The following PTTG1IP2 variants were observed in gnomAD, a reference collection of about 807,000 sequenced individuals.
PTTG1IP2 encodes the protein PTTG1IP family member 2.
At chr7:90,504,509 C>T (rs550349738) in intron 6 of PTTG1IP2, among the ~76,000 whole-genome samples, 1 of 152,270 alleles carries the variant, frequency 6.6e-6, no homozygotes, top group Middle Eastern at 3.4e-3. Flanking sequence ...AACTACCTTG[C>T]TGTTGTGGTG....
chr7:90,490,014 T>C (rs904443703), intron 4 of PTTG1IP2, among the ~76,000 whole-genome samples: 2 of 152,166 alleles, frequency 1.3e-5, no homozygotes, highest in Non-Finnish European at 2.9e-5. Context: ...TTTGCTAAAA[T>C]ACATTCATTT....
At chr7:90,474,364 A>G (rs1479049467) in intron 1 of PTTG1IP2, among the ~76,000 whole-genome samples, 1 of 152,236 alleles carries the variant, frequency 6.6e-6, no homozygotes, top group African/African-American at 2.4e-5. Context: ...ACAGTGCTGG[A>G]AAACAACATG....
intron 6 of PTTG1IP2, among the ~76,000 whole-genome samples, chr7:90,503,792 T>C (rs1000447789): frequency 1.3e-5 from 2 of 152,110 alleles, no homozygotes; most frequent in African/African-American, 2.4e-5. Flanking sequence ...CCATAACAGA[T>C]ATAACAATAA....
intron 5 of PTTG1IP2, 25 bp downstream of exon 5, chr7:90,492,334 G>T (rs17865179): frequency 0.011 from 1,695 of 152,144 alleles, 37 homozygotes; most frequent in African/African-American, 0.039. Flanking sequence ...TTATTTGATG[G>T]AATGTCCCAG....
In PTTG1IP2 at chr7:90,492,304, C is replaced by A. The variant is rs1160550955; in HGVS notation, c.446C>A (p.Ala149Asp). 6.6e-6 allele frequency: 1 copy of A among 152,166 alleles called. No homozygotes were observed. The highest frequency in any genetic ancestry group is 1.5e-5 in the Non-Finnish European group (1 of 68,034). 9.4% of individuals were successfully genotyped at this position (152,166 alleles called of 1,614,324 possible). A position where few individuals can be genotyped will look rare whatever the true frequency, so the allele number is the denominator to read the frequency against. Residue 149 changes from alanine to aspartate, a missense_variant, in exon 5 of 7, where the codon GCT becomes GAT. Transcript: ENST00000509356. Reference sequence around the variant, plus strand: ...ACAGTTCCTATTCACGACCGCAGTGCTACTGGCAAGTGTTTTCGTTTATTT... The same window carrying A: ...ACAGTTCCTATTCACGACCGCAGTGATACTGGCAAGTGTTTTCGTTTATTT... ...RETVPIHDRSATVYDE is the reference protein window; with the variant it reads ...RETVPIHDRSDTVYDE
At chr7:90,477,868 C>A (rs867721206) in intron 1 of PTTG1IP2, among the ~76,000 whole-genome samples, 2 of 151,964 alleles carry the variant, frequency 1.3e-5, no homozygotes, top group Admixed American at 6.6e-5. Flanking sequence ...GAGGCTGAGG[C>A]GGGCGGATCA....
At chr7:90,496,175 C>T (rs1195732179) in intron 6 of PTTG1IP2, among the ~76,000 whole-genome samples, 4 of 152,154 alleles carry the variant, frequency 2.6e-5, no homozygotes, top group Non-Finnish European at 5.9e-5. Flanking sequence ...TCATTAAATG[C>T]ATTGAGAAGG....
chr7:90,511,997 A>C (rs746305913), intron 6 of PTTG1IP2, among the ~76,000 whole-genome samples: 11 of 152,250 alleles, frequency 7.2e-5, no homozygotes, highest in Non-Finnish European at 1.3e-4. Context: ...TAGCAGCTGC[A>C]ATAGCAGCAC....
At chr7:90,478,682 A>G (rs1303090303) in intron 1 of PTTG1IP2, among the ~76,000 whole-genome samples, 1 of 152,202 alleles carries the variant, frequency 6.6e-6, no homozygotes, top group African/African-American at 2.4e-5. Context: ...TGAGGCATTG[A>G]AATGCTTTTT....
At chr7:90,502,926 T>C (rs927301542) in intron 6 of PTTG1IP2, among the ~76,000 whole-genome samples, 4 of 152,234 alleles carry the variant, frequency 2.6e-5, no homozygotes, top group African/African-American at 9.6e-5. Context: ...CAGCCTGTCC[T>C]TTTGAAGTTT....
intron 1 of PTTG1IP2, among the ~76,000 whole-genome samples, chr7:90,476,850 T>C (rs1797753864): frequency 6.6e-6 from 1 of 152,144 alleles, no homozygotes; most frequent in South Asian, 2.1e-4. Flanking sequence ...TCCCCATTGT[T>C]TTTTTCTCTT....
chr7:90,496,660 T>C (rs539736712), intron 6 of PTTG1IP2, among the ~76,000 whole-genome samples: 20 of 152,296 alleles, frequency 1.3e-4, no homozygotes, highest in African/African-American at 3.8e-4. Flanking sequence ...TTCAGTTTTG[T>C]TGATTCTTTC....
At chr7:90,477,595 G>T (rs1797762369) in intron 1 of PTTG1IP2, among the ~76,000 whole-genome samples, 1 of 152,174 alleles carries the variant, frequency 6.6e-6, no homozygotes, top group African/African-American at 2.4e-5. Flanking sequence ...AACTGTCAAG[G>T]TCATGAAAGC....
intron 6 of PTTG1IP2, 104 bp from the exon 7 acceptor site, chr7:90,513,174 A>C (rs528605049): frequency 2.0e-5 from 3 of 152,768 alleles, no homozygotes; most frequent in African/African-American, 7.2e-5. Context: ...TTCTGTAAAA[A>C]TTGGTGTAAC....
At chr7:90,494,691 G>A (rs766950879) in intron 6 of PTTG1IP2, among the ~76,000 whole-genome samples, 72 of 152,162 alleles carry the variant, frequency 4.7e-4, no homozygotes, top group East Asian at 1.2e-3. Flanking sequence ...AGACTAGCCC[G>A]GACAATATAG....
At chr7:90,495,616 G>T (rs983682375) in intron 6 of PTTG1IP2, among the ~76,000 whole-genome samples, 3 of 152,166 alleles carry the variant, frequency 2.0e-5, no homozygotes, top group Non-Finnish European at 2.9e-5. Flanking sequence ...GTCAGTGCAG[G>T]TTAATAGGAG....
chr7:90,475,892 GAT>G (rs1266321430), intron 1 of PTTG1IP2, among the ~76,000 whole-genome samples: 1 of 150,616 alleles, frequency 6.6e-6, no homozygotes, highest in African/African-American at 2.4e-5. Context: ...AGTGAGCTGA[GAT>G]CGCGCCACTG....
intron 6 of PTTG1IP2, among the ~76,000 whole-genome samples, chr7:90,500,654 G>C (rs1798051840): frequency 6.6e-6 from 1 of 152,206 alleles, no homozygotes; most frequent in South Asian, 2.1e-4. Context: ...AATCTTATGG[G>C]GCACTCTGGA....
intron 1 of PTTG1IP2, 123 bp downstream of exon 1, chr7:90,470,054 A>G (rs17864033): frequency 0.2 from 30,766 of 152,496 alleles, 3,799 homozygotes; most frequent in East Asian, 0.61. Context: ...TGTTGGTGGG[A>G]AGACATTTTA....
Sources: allele counts gnomAD v4.1 joint callset (sites outside exome capture counted in the v4.1 genomes callset), GRCh38; gene constraint gnomAD v4.1.1; transcripts MANE v1.5; gene names NCBI Gene and HGNC (gene_info 2026-07-23, HGNC 2026-07-21).